The following SV2B variants were observed in gnomAD, a reference collection of about 807,000 sequenced individuals.
The protein encoded by SV2B is synaptic vesicle glycoprotein 2B, also known as solute carrier family 22 member B2.
In SV2B, 41 loss-of-function variants were observed where a neutral mutation model predicts 73.9. That is an observed-to-expected ratio of 0.56 (90% CI 0.43 to 0.72). The LOEUF (loss-of-function observed/expected upper bound fraction) is 0.72. SV2B is among the 30% of genes least tolerant of loss of function. SV2B has a pLI of 0.00. For missense variants in SV2B, 764 were observed against 857.8 expected (o/e 0.89, Z 1.37); for synonymous variants, 314 against 314.2 (o/e 1.00, Z 0.01).
At chr15:91,207,403 G>C (rs1416497054) in intron 1 of SV2B, among the ~76,000 whole-genome samples, 1 of 152,056 alleles carries the variant, frequency 6.6e-6, no homozygotes, top group Non-Finnish European at 1.5e-5. Context: ...TCTGTGTTAA[G>C]AGCAAAAAAC....
intron 2 of SV2B, among the ~76,000 whole-genome samples, chr15:91,228,587 C>T (rs1234458174): frequency 1.3e-5 from 2 of 152,198 alleles, no homozygotes; most frequent in African/African-American, 4.8e-5. Context: ...CACCGTGGTG[C>T]CTGGCAGCCT....
At chr15:91,186,569 A>G (rs1308550173) in intron 1 of SV2B, among the ~76,000 whole-genome samples, 1 of 152,248 alleles carries the variant, frequency 6.6e-6, no homozygotes, top group East Asian at 1.9e-4. Context: ...GGTTACATGA[A>G]CAAGAATTAT....
chr15:91,251,300 C>T (rs758334583), intron 2 of SV2B, among the ~76,000 whole-genome samples: 1 of 152,216 alleles, frequency 6.6e-6, no homozygotes, highest in Non-Finnish European at 1.5e-5. Flanking sequence ...AAATATACTA[C>T]ATTTCCTTAA....
chr15:91,155,733 C>A (rs2043467632), intron 1 of SV2B, among the ~76,000 whole-genome samples: 1 of 152,162 alleles, frequency 6.6e-6, no homozygotes, highest in East Asian at 1.9e-4. Context: ...AGTCAAACTG[C>A]ATTTTATCTA....
In SV2B at chr15:91,258,957, T is replaced by C. The variant is rs1043903963; in HGVS notation, c.918+403T>C. Reference sequence around the variant, plus strand: ...AAAAAAAAAAATTAGTTGAGCGATTTGGTGCGTGCATGCCTGTGGTCCCAT... The same window carrying C: ...AAAAAAAAAAATTAGTTGAGCGATTCGGTGCGTGCATGCCTGTGGTCCCAT... On this transcript the variant is annotated intron_variant, in intron 5 of 12. Transcript: ENST00000394232. The surrounding 1 kb of genome is among the most constrained non-coding windows in gnomAD (Gnocchi z 4.7). 2.7e-5 allele frequency among the ~76,000 whole-genome samples: 4 copies of C among 150,474 alleles called. No homozygotes were observed. Among genetic ancestry groups the C allele is most frequent in the Non-Finnish European group, 5.9e-5 (4 of 67,748 alleles).
At position 91,130,665 on chromosome 15, in the gene SV2B, G is replaced by C. The variant is rs942035299; in HGVS notation, c.-392+30302G>C. On this transcript the variant is annotated intron_variant, in intron 1 of 12. Transcript: ENST00000394232. This position sits in a 1 kb window ranked among gnomAD's most constrained non-coding sequence, Gnocchi z 5.6. ...CTGCGTGTCAGTCAGGATGTGGCTT[G>C]TGAGTCTTGCAGACATACTGCCTGC... Among the ~76,000 whole-genome samples, 2 of 152,124 alleles carry C rather than the reference G, an allele frequency of 1.3e-5. No homozygotes were observed. Among genetic ancestry groups the C allele is most frequent in the African/African-American group, 2.4e-5 (1 of 41,418 alleles).
intron 1 of SV2B, among the ~76,000 whole-genome samples, chr15:91,189,104 GA>G (rs2141344144): frequency 6.6e-6 from 1 of 152,306 alleles, no homozygotes; most frequent in Admixed American, 6.5e-5. Flanking sequence ...GGGATTACAG[GA>G]ATGAGCACGG....
intron 1 of SV2B, among the ~76,000 whole-genome samples, chr15:91,176,774 G>A (rs2044325530): frequency 6.6e-6 from 1 of 151,550 alleles, no homozygotes; most frequent in African/African-American, 2.4e-5. Flanking sequence ...TGAGTTCATT[G>A]TAGATTCTGG....
At chr15:91,176,608 T>C (rs1050489801) in intron 1 of SV2B, among the ~76,000 whole-genome samples, 62 of 152,200 alleles carry the variant, frequency 4.1e-4, no homozygotes, top group African/African-American at 1.4e-3. Context: ...TGGTATCTCA[T>C]TGTGGTTTTG....
chr15:91,137,590 CAT>C lies in SV2B; in HGVS notation c.-392+37240_-392+37241del, dbSNP rs566920493. Reference sequence around the variant, plus strand: ...GTGAAATATATATATATATATTTCTCATATATATATATATTTCATATATATAT... The same window carrying C: ...GTGAAATATATATATATATATTTCTCATATATATATATTTCATATATATAT... On this transcript the variant is annotated intron_variant, in intron 1 of 12. Transcript: ENST00000394232. This position sits in a 1 kb window ranked among gnomAD's most constrained non-coding sequence, Gnocchi z 4.9. 0.17 allele frequency among the ~76,000 whole-genome samples: 13,329 copies of C among 76,520 alleles called. 679 individuals carry two copies. The highest frequency in any genetic ancestry group is 0.21 in the Non-Finnish European group (8,011 of 37,374). 50.2% of individuals were successfully genotyped at this position (76,520 alleles called of 152,430 possible).
intron 1 of SV2B, among the ~76,000 whole-genome samples, chr15:91,202,852 G>T (rs1208824237): frequency 1.3e-5 from 2 of 152,054 alleles, no homozygotes; most frequent in African/African-American, 4.8e-5. Context: ...TTGGCTTCAG[G>T]CTGCTCTGGG....
At position 91,302,351 on chromosome 15, in the gene SV2B, C is replaced by A. The variant is rs946969887; in HGVS notation, c.*9799C>A. ...TTGCTGAGCTTTAAAACTTTAGTAA[C>A]CTGATGATGGAGAGATCTGGGGGGT... is the stretch of plus-strand genomic sequence containing the variant. On this transcript the variant is annotated 3_prime_UTR_variant, in exon 13 of 13. Transcript: ENST00000394232. 2.0e-5 allele frequency among the ~76,000 whole-genome samples: 3 copies of A among 151,982 alleles called. No homozygotes were observed. The highest frequency in any genetic ancestry group is 4.4e-5 in the Non-Finnish European group (3 of 68,002).
chr15:91,238,588 C>G (rs554436335), intron 2 of SV2B, among the ~76,000 whole-genome samples: 6 of 152,346 alleles, frequency 3.9e-5, no homozygotes, highest in African/African-American at 1.4e-4. Flanking sequence ...GCATTGGCCT[C>G]TCAGGGTGCT....
chr15:91,192,783 C>T (rs2045089070), intron 1 of SV2B, among the ~76,000 whole-genome samples: 1 of 152,190 alleles, frequency 6.6e-6, no homozygotes, highest in African/African-American at 2.4e-5. Flanking sequence ...AGATGAATGA[C>T]TTTCAGTAAC....
intron 5 of SV2B, among the ~76,000 whole-genome samples, chr15:91,259,382 A>G (rs147735980): frequency 4.0e-4 from 61 of 152,256 alleles, no homozygotes; most frequent in Middle Eastern, 6.8e-3. Flanking sequence ...TCCAGCCCCA[A>G]TCTGCAGAGT....
At chr15:91,216,619 T>A (rs1235824170) in intron 1 of SV2B, among the ~76,000 whole-genome samples, 1 of 151,752 alleles carries the variant, frequency 6.6e-6, no homozygotes, top group Non-Finnish European at 1.5e-5. Context: ...ACTACAGGCA[T>A]GTGCCACCAC....
chr15:91,161,033 C>A (rs892836592), intron 1 of SV2B, among the ~76,000 whole-genome samples: 19 of 152,006 alleles, frequency 1.2e-4, no homozygotes, highest in African/African-American at 4.6e-4. Context: ...TCAAAACATA[C>A]GCTAAATGAA....
At chr15:91,120,758 G>A (rs2042309457) in intron 1 of SV2B, among the ~76,000 whole-genome samples, 2 of 148,196 alleles carry the variant, frequency 1.3e-5, no homozygotes, top group South Asian at 4.2e-4. Flanking sequence ...AGGTTGCAGT[G>A]AGCTGTGATC....
chr15:91,176,847 T>G (rs989776665), intron 1 of SV2B, among the ~76,000 whole-genome samples: 2 of 152,058 alleles, frequency 1.3e-5, no homozygotes, highest in Non-Finnish European at 2.9e-5. Flanking sequence ...AGGTTGCCTT[T>G]TCACTCTGAT....
Sources: allele counts gnomAD v4.1 joint callset (sites outside exome capture counted in the v4.1 genomes callset), GRCh38; gene constraint gnomAD v4.1.1; non-coding constraint Gnocchi (gnomAD v3.1); transcripts MANE v1.5; gene names NCBI Gene and HGNC (gene_info 2026-07-23, HGNC 2026-07-21).